ABCG2: variants seen among roughly 807,000 people sequenced by gnomAD.
The protein encoded by ABCG2 is broad substrate specificity ATP-binding cassette transporter ABCG2.
Under a neutral mutation model 73.5 loss-of-function variants are expected in ABCG2, and 80 were observed. The observed-to-expected ratio is 1.09, with a 90% CI of 0.91 to 1.31. The LOEUF is 1.31. ABCG2 is among the 50% of genes most tolerant of loss of function. The pLI, the probability that ABCG2 is intolerant of heterozygous loss-of-function variation, is 0.00. For synonymous variants in ABCG2, 269 were observed against 282.4 expected (o/e 0.95, Z 0.48); for missense variants, 796 against 786.2 (o/e 1.01, Z -0.15).
chr4:88,102,028 A>G (rs576641920), intron 10 of ABCG2, among the ~76,000 whole-genome samples: 56 of 152,248 alleles, frequency 3.7e-4, no homozygotes, highest in Non-Finnish European at 5.9e-4. Flanking sequence ...AAAGTTGAAC[A>G]AAGAATGTAA....
intron 13 of ABCG2, 104 bp from the exon 14 acceptor site, chr4:88,095,713 T>C: frequency 1.1e-6 from 1 of 873,022 alleles, no homozygotes; most frequent in Non-Finnish European, 1.8e-6. Flanking sequence ...GTATTTCTTT[T>C]AAAACCAACT....
intron 5 of ABCG2, among the ~76,000 whole-genome samples, chr4:88,127,904 T>G (rs1296977535): frequency 7.1e-6 from 1 of 140,466 alleles, no homozygotes; most frequent in African/African-American, 2.7e-5. Flanking sequence ...AAGCCAAAAT[T>G]GACAAATGGG....
intron 1 of ABCG2, among the ~76,000 whole-genome samples, chr4:88,141,798 G>C (rs138231260): frequency 6.6e-6 from 1 of 151,998 alleles, no homozygotes; most frequent in Admixed American, 6.6e-5. Context: ...CTGATGTTCC[G>C]GAAATGAGAA....
chr4:88,202,003 C>G (rs1168190765), intron 1 of ABCG2, among the ~76,000 whole-genome samples: 2 of 151,896 alleles, frequency 1.3e-5, no homozygotes, highest in East Asian at 3.9e-4. Context: ...TGTGGCAGGG[C>G]TTTGGGATTT....
intron 1 of ABCG2, among the ~76,000 whole-genome samples, chr4:88,147,083 AAAG>A (rs1258888430): frequency 2.7e-5 from 4 of 149,590 alleles, no homozygotes; most frequent in Admixed American, 6.6e-5. Context: ...AAAGAAAAGA[AAAG>A]AAAAAAGAAG....
chr4:88,212,777 C>T (rs557734997), intron 1 of ABCG2, among the ~76,000 whole-genome samples: 11 of 152,324 alleles, frequency 7.2e-5, no homozygotes, highest in Middle Eastern at 3.4e-3. Context: ...CTTTGTCACT[C>T]GCTTGGCAAA....
At chr4:88,119,970 G>A (rs1434686129) in intron 6 of ABCG2, among the ~76,000 whole-genome samples, 2 of 152,198 alleles carry the variant, frequency 1.3e-5, no homozygotes, top group Admixed American at 6.5e-5. Context: ...TGGGGAAAAT[G>A]TCTCCAGGGA....
In ABCG2 at chr4:88,131,208, A is replaced by G; in HGVS notation, c.384T>C (p.Asp128=). ...TCACCGTCAGAGTGCCCATCACAACATCATCCTTAAGGCAAATAGCATTTT... is the reference window on the plus strand; with the variant it reads ...TCACCGTCAGAGTGCCCATCACAACGTCATCCTTAAGGCAAATAGCATTTT... ...KCNSGYVVQD[D]VVMGTLTVRE... The change falls in exon 5 of 16, where the codon GAT becomes GAC. Residue 128 remains aspartate (D), a synonymous_variant. Transcript: ENST00000237612. The G allele has an allele frequency of 6.2e-7, 1 of 1,613,982 alleles. No individual in the cohort carries two copies. Among genetic ancestry groups the G allele is most frequent in the Non-Finnish European group, 8.5e-7 (1 of 1,179,918 alleles).
In ABCG2 at chr4:88,104,875, G is replaced by T. The variant is rs374341974; in HGVS notation, c.1277+2309C>A. On this transcript the variant is annotated intron_variant, in intron 10 of 15. Transcript: ENST00000237612. ...CCTAAAGTTCTTCTTTATTTCTCTG[G>T]ATTTTTCTACCAAGAGCTTTAATGG... 3.1e-4 allele frequency among the ~76,000 whole-genome samples: 47 copies of T among 152,262 alleles called. No individual in the cohort carries two copies. In the South Asian group the frequency reaches 9.8e-3, roughly 32 times the overall value.
rs773204384 is a variant in ABCG2 at position 88,099,422 on chromosome 4, CTG to C, written c.1392_1393del (p.Tyr464Ter). 1.9e-6 allele frequency: 3 copies of C among 1,608,510 alleles called. No individual in the cohort carries two copies. Among genetic ancestry groups the C allele is most frequent in the South Asian group, 1.1e-5 (1 of 89,666 alleles). On this transcript the variant is annotated stop_gained and frameshift_variant, in exon 12 of 16. Transcript: ENST00000237612. LOFTEE classifies it high-confidence loss of function. ...TTTTCCAAGGAAATAAGATGACACT[CTG>C]TAGTATCCGCTGATGTATTCATGTC... is the stretch of plus-strand genomic sequence containing the variant.
chr4:88,167,370 CT>C (rs551648302), intron 1 of ABCG2, among the ~76,000 whole-genome samples: 5,278 of 101,362 alleles, frequency 0.052, 88 homozygotes, highest in South Asian at 0.097. Flanking sequence ...TCCCTTCTGC[CT>C]TTTTTTTTTT....
intron 1 of ABCG2, among the ~76,000 whole-genome samples, chr4:88,227,633 C>T (rs9985959): frequency 0.21 from 32,325 of 151,902 alleles, 4,022 homozygotes; most frequent in Non-Finnish European, 0.29. Flanking sequence ...CAAGGATTTG[C>T]GTTTTAGCAA....
intron 13 of ABCG2, among the ~76,000 whole-genome samples, chr4:88,096,859 C>G (rs1722016335): frequency 6.6e-6 from 1 of 151,986 alleles, no homozygotes; most frequent in Non-Finnish European, 1.5e-5. Flanking sequence ...TTAAAACACT[C>G]TTTTTCAAAA....
intron 1 of ABCG2, among the ~76,000 whole-genome samples, chr4:88,142,847 C>A (rs528078836): frequency 6.6e-6 from 1 of 152,102 alleles, no homozygotes; most frequent in African/African-American, 2.4e-5. Context: ...ACTCGGGAGG[C>A]TGAGGCAGGA....
Position 88,191,226 on chromosome 4 carries a change from C to T in ABCG2, c.-20+39768G>A, listed in dbSNP as rs566760643. On this transcript the variant is annotated intron_variant, in intron 1 of 15. Transcript: ENST00000515655. ...CTCACTGCGTGCAGTGCTCCAAGAT[C>T]GCGCCAGTGCACTCCAGCCTGGGCG... Among the ~76,000 whole-genome samples the T allele has an allele frequency of 1.1e-3, 143 of 134,198 alleles. 1 individual carries two copies. Among genetic ancestry groups the T allele is most frequent in the African/African-American group, 3.4e-3 (130 of 37,776 alleles). 88.0% of individuals were successfully genotyped at this position (134,198 alleles called of 152,430 possible).
At chr4:88,160,237 G>A (rs1409728045), upstream of ABCG2, among the ~76,000 whole-genome samples, 1 of 146,376 alleles carries the variant, frequency 6.8e-6, no homozygotes, top group Non-Finnish European at 1.5e-5. Flanking sequence ...GTGAGACTCT[G>A]TCTCAAGAAA....
rs567127354 is a variant in ABCG2 at position 88,220,905 on chromosome 4, T to C, written c.-20+10089A>G. On this transcript the variant is annotated intron_variant, in intron 1 of 15. Coordinates refer to the ABCG2 transcript ENST00000515655. The stretch of plus-strand genomic sequence containing the variant: ...ATGTTTGCTTCCCCTTCTGCCATGA[T>C]TGTAAGCTTCCTGAGGCTTCTCCAG... Among the ~76,000 whole-genome samples the C allele has an allele frequency of 4.6e-5, 7 of 152,310 alleles. No homozygotes were observed. In the East Asian group the frequency reaches 5.8e-4, roughly 13 times the overall value.
rs1722209306 is a variant in ABCG2, at chr4:88,099,207, T to C, written c.1492+117A>G. The C allele has an allele frequency of 5.1e-6, 5 of 982,440 alleles. No individual in the cohort carries two copies. In the South Asian group the frequency reaches 1.1e-4, roughly 22 times the overall value. 60.9% of individuals were successfully genotyped at this position (982,440 alleles called of 1,614,324 possible). On this transcript the variant is annotated intron_variant, in intron 12 of 15. Transcript: ENST00000237612. ...GAGTGCAAAATGGACAGGTGTTTCC[T>C]TATCTCATGGTTTGGTTTATAGTTT...
chr4:88,168,348 A>G (rs1727624169), intron 1 of ABCG2, among the ~76,000 whole-genome samples: 2 of 152,070 alleles, frequency 1.3e-5, no homozygotes, highest in South Asian at 2.1e-4. Flanking sequence ...TTAGCTGAGC[A>G]TGGTGGCATG....
Sources: allele counts gnomAD v4.1 joint callset (sites outside exome capture counted in the v4.1 genomes callset), GRCh38; gene constraint gnomAD v4.1.1; transcripts MANE v1.5; gene names NCBI Gene and HGNC (gene_info 2026-07-23, HGNC 2026-07-21).